The following ITGB3 variants were observed in gnomAD, a reference collection of about 807,000 sequenced individuals.
ITGB3 encodes integrin subunit beta 3, also known as integrin beta-3.
In ITGB3, 48 loss-of-function variants were observed where a neutral mutation model predicts 85.8. The ratio of observed to expected loss-of-function variants is 0.56; its 90% CI spans 0.44 to 0.71. The LOEUF (loss-of-function observed/expected upper bound fraction) is 0.71, where lower values mean the gene tolerates loss of function less well. Among genes scored for constraint, ITGB3 ranks in the 30% least tolerant of loss-of-function variants. ITGB3 has a pLI of 0.00. For synonymous variants in ITGB3, 363 were observed against 395.6 expected (o/e 0.92, Z 0.98); for missense variants, 861 against 1,019.1 (o/e 0.84, Z 2.11).
At chr17:47,307,076 G>A (rs1224895908) in intron 13 of ITGB3, among the ~76,000 whole-genome samples, 3 of 152,176 alleles carry the variant, frequency 2.0e-5, no homozygotes, top group Non-Finnish European at 4.4e-5. Context: ...GGGGTCTGGT[G>A]TACCTATTAT....
Position 47,310,917 on chromosome 17 carries a change from A to G in ITGB3, c.*713A>G, listed in dbSNP as rs2317676. On this transcript the variant is annotated 3_prime_UTR_variant, in exon 15 of 15. Coordinates refer to ENST00000559488, the MANE Select transcript of ITGB3 (RefSeq NM_000212.3). Reference sequence around the variant, plus strand: ...TGTCTGGGCCACTCAGGGGTCATTCATGGCCTGGGGGATGTACCAGCATCT... The same window carrying G: ...TGTCTGGGCCACTCAGGGGTCATTCGTGGCCTGGGGGATGTACCAGCATCT... 14,906 of 156,824 alleles carry G rather than the reference A, an allele frequency of 0.095. 797 individuals carry two copies. The highest frequency in any genetic ancestry group is 0.19 in the East Asian group (987 of 5,306). 9.7% of individuals were successfully genotyped at this position (156,824 alleles called of 1,614,324 possible). A position where few individuals can be genotyped will look rare whatever the true frequency, so the allele number is the denominator to read the frequency against.
chr17:47,307,187 T>C (rs2143149480), intron 13 of ITGB3, among the ~76,000 whole-genome samples: 1 of 151,962 alleles, frequency 6.6e-6, no homozygotes, highest in South Asian at 2.1e-4. Context: ...TCTGGTGTTC[T>C]CTTCTTTGTG....
chr17:47,276,652 G>T (rs569518273), intron 2 of ITGB3, among the ~76,000 whole-genome samples: 4 of 152,306 alleles, frequency 2.6e-5, no homozygotes, highest in African/African-American at 9.6e-5. Context: ...CAAGAGGGAG[G>T]AGGGAGAGAA....
chr17:47,261,772 G>A (rs539527712), intron 1 of ITGB3, among the ~76,000 whole-genome samples: 25 of 152,224 alleles, frequency 1.6e-4, no homozygotes, highest in African/African-American at 5.8e-4. Flanking sequence ...CACCCGCCTC[G>A]GCCTCCCAAA....
chr17:47,300,639 C>A, intron 12 of ITGB3, 61 bp downstream of exon 12: 2 of 1,266,908 alleles, frequency 1.6e-6, no homozygotes, highest in Non-Finnish European at 2.3e-6. Flanking sequence ...TAATTCAATC[C>A]CAGAACCTAT....
At chr17:47,276,128 T>C (rs559335984) in intron 2 of ITGB3, among the ~76,000 whole-genome samples, 12 of 152,130 alleles carry the variant, frequency 7.9e-5, no homozygotes. Context: ...CTAGTGTCAC[T>C]CAAAGGGTGC....
chr17:47,267,339 G>T (rs1051211781), intron 1 of ITGB3, among the ~76,000 whole-genome samples: 1 of 152,206 alleles, frequency 6.6e-6, no homozygotes, highest in Admixed American at 6.5e-5. Context: ...GCAGGAATGA[G>T]TCTGGGCCCC....
intron 12 of ITGB3, 34 bp from the exon 13 acceptor site, chr17:47,302,687 T>G: frequency 6.2e-7 from 1 of 1,613,726 alleles, no homozygotes; most frequent in Non-Finnish European, 8.5e-7. Context: ...AGTAGTTGTC[T>G]CACTTTTTAT....
At chr17:47,259,689 CA>C (rs1167374738) in intron 1 of ITGB3, among the ~76,000 whole-genome samples, 1 of 152,152 alleles carries the variant, frequency 6.6e-6, no homozygotes, top group Non-Finnish European at 1.5e-5. Flanking sequence ...CACCTGAGGT[CA>C]GGAGTTCAAG....
At chr17:47,258,483 AT>A (rs1317070614) in intron 1 of ITGB3, among the ~76,000 whole-genome samples, 3 of 152,036 alleles carry the variant, frequency 2.0e-5, no homozygotes, top group Non-Finnish European at 4.4e-5. Flanking sequence ...GTACAGTAAA[AT>A]TCACCCTTTT....
chr17:47,287,024 A>G, intron 5 of ITGB3, 46 bp from the exon 6 acceptor site: 1 of 1,606,324 alleles, frequency 6.2e-7, no homozygotes, highest in Non-Finnish European at 8.5e-7. Flanking sequence ...ACATGGCTGA[A>G]TTTGTTTTGT....
intron 13 of ITGB3, among the ~76,000 whole-genome samples, chr17:47,307,188 C>G (rs1266679851): frequency 1.3e-5 from 2 of 151,844 alleles, no homozygotes; most frequent in Non-Finnish European, 2.9e-5. Context: ...CTGGTGTTCT[C>G]TTCTTTGTGT....
chr17:47,291,241 T>G (rs1382863498), intron 9 of ITGB3, 153 bp downstream of exon 9: 1 of 817,386 alleles, frequency 1.2e-6, no homozygotes, highest in East Asian at 2.6e-5. Context: ...CTAAGTTAGA[T>G]GTAATGGATC....
chr17:47,304,416 A>G (rs927360308), intron 13 of ITGB3, among the ~76,000 whole-genome samples: 1 of 152,218 alleles, frequency 6.6e-6, no homozygotes, highest in Non-Finnish European at 1.5e-5. Flanking sequence ...AAGTTTTGGC[A>G]TTGGCCAAAT....
At chr17:47,284,875 T>C (rs1340938548) in intron 4 of ITGB3, among the ~76,000 whole-genome samples, 180 bp downstream of exon 4, 2 of 152,156 alleles carry the variant, frequency 1.3e-5, no homozygotes, top group African/African-American at 4.8e-5. Flanking sequence ...GAGTGTTGTG[T>C]CAATGGAGCC....
chr17:47,309,338 C>A (rs1018134940), intron 14 of ITGB3, among the ~76,000 whole-genome samples: 1 of 152,102 alleles, frequency 6.6e-6, no homozygotes, highest in African/African-American at 2.4e-5. Context: ...TAGGCATAAA[C>A]CACCATGCCT....
chr17:47,289,817 G>T (rs1238341014), intron 7 of ITGB3, 41 bp downstream of exon 7: 2 of 1,439,208 alleles, frequency 1.4e-6, no homozygotes, highest in Non-Finnish European at 2.0e-6. Flanking sequence ...GCCCTGTGAT[G>T]GTGGGTGCCC....
chr17:47,283,469 C>G lies in ITGB3; in HGVS notation c.281C>G (p.Pro94Arg). 1 of 1,614,208 alleles carries G rather than the reference C, an allele frequency of 6.2e-7. No homozygotes were observed. Among genetic ancestry groups the G allele is most frequent in the Non-Finnish European group, 8.5e-7 (1 of 1,180,040 alleles). ...VSEARVLEDR[P>R]LSDKGSGDSS... ...GAGGCCCGAGTACTAGAGGACAGGC[C>G]CCTCAGCGACAAGGGCTCTGGAGAC... Residue 94 changes from proline to arginine, a missense_variant, in exon 3 of 15, where the codon CCC (proline) becomes CGC (arginine). Coordinates refer to ENST00000559488, the MANE Select transcript of ITGB3 (RefSeq NM_000212.3).
In ITGB3 at chr17:47,313,270, G is replaced by A. The variant is rs778229560; in HGVS notation, c.*3066G>A. Among the ~76,000 whole-genome samples the A allele has an allele frequency of 4.0e-5, 6 of 151,812 alleles. No homozygotes were observed. Among genetic ancestry groups the A allele is most frequent in the East Asian group, 1.9e-4 (1 of 5,176 alleles). On this transcript the variant is annotated 3_prime_UTR_variant, in exon 15 of 15. Coordinates refer to ENST00000559488, the MANE Select transcript of ITGB3 (RefSeq NM_000212.3). ...ATTACAAGTGTGAAGCACTGTGCCCGGCCAGTCATCCATGATTTTAATGGG... is the reference window on the plus strand; with the variant it reads ...ATTACAAGTGTGAAGCACTGTGCCCAGCCAGTCATCCATGATTTTAATGGG...
Sources: gnomAD v4.1 joint callset for allele counts (sites outside exome capture counted in the v4.1 genomes callset) on GRCh38, gnomAD v4.1.1 for gene constraint, MANE v1.5 for transcripts, NCBI Gene and HGNC (gene_info 2026-07-23, HGNC 2026-07-21) for gene names.